Variants in WWOX observed in about 807,000 individuals in gnomAD.
The protein encoded by WWOX is WW domain-containing oxidoreductase.
Under a neutral mutation model 46.2 loss-of-function variants are expected in WWOX, and 69 were observed. The ratio of observed to expected loss-of-function variants is 1.49; its 90% confidence interval spans 1.23 to 1.82. The LOEUF (loss-of-function observed/expected upper bound fraction) is 1.82. Among genes scored for constraint, WWOX ranks in the 40% most tolerant of loss-of-function variants. The probability of loss-of-function intolerance (pLI) is 0.00; values close to 1 mark genes in which losing one functional copy is unlikely to be tolerated. For missense variants in WWOX, 919 were observed against 542.6 expected (o/e 1.69, Z -6.89); for synonymous variants, 359 against 202.6 (o/e 1.77, Z -6.56).
rs147844598 is a variant in WWOX at position 79,091,041 on chromosome 16, G to T, written c.1057-120567G>T. Among the ~76,000 whole-genome samples, 23 of 152,116 alleles carry T rather than the reference G, an allele frequency of 1.5e-4. 1 individual carries two copies. Among genetic ancestry groups the T allele is most frequent in the African/African-American group, 5.5e-4 (23 of 41,496 alleles). On this transcript the variant is annotated intron_variant, in intron 8 of 8. Coordinates refer to ENST00000566780, the MANE Select transcript of WWOX (RefSeq NM_016373.4). ...GACCTCAGGTGATCCACCCACATCGGCCTCCCAAAGTACTGGGATTATAGG... is the reference window on the plus strand; with the variant it reads ...GACCTCAGGTGATCCACCCACATCGTCCTCCCAAAGTACTGGGATTATAGG...
At chr16:78,256,877 CTGAG>C (rs1334742363) in intron 5 of WWOX, among the ~76,000 whole-genome samples, 1 of 152,046 alleles carries the variant, frequency 6.6e-6, no homozygotes, top group Non-Finnish European at 1.5e-5. Context: ...TGTTGACCAA[CTGAG>C]TTGTTCAGTG....
At chr16:78,186,356 T>G (rs2035703963) in intron 5 of WWOX, among the ~76,000 whole-genome samples, 1 of 152,320 alleles carries the variant, frequency 6.6e-6, no homozygotes, top group East Asian at 1.9e-4. Flanking sequence ...AAGTACAATT[T>G]GGTATTTTTG....
chr16:79,174,948 C>G (rs2050771090), intron 8 of WWOX, among the ~76,000 whole-genome samples: 1 of 152,140 alleles, frequency 6.6e-6, no homozygotes, highest in African/African-American at 2.4e-5. Context: ...ACCCTGAGGA[C>G]TTGGTATTCT....
chr16:78,809,979 C>G (rs942566039), intron 8 of WWOX, among the ~76,000 whole-genome samples: 1 of 152,164 alleles, frequency 6.6e-6, no homozygotes, highest in Admixed American at 6.5e-5. Context: ...TCTGGCAAAT[C>G]TCAGCACCAA....
intron 6 of WWOX, among the ~76,000 whole-genome samples, chr16:78,387,565 G>T (rs1014643260): frequency 2.6e-5 from 4 of 152,092 alleles, no homozygotes; most frequent in African/African-American, 9.7e-5. Flanking sequence ...GAAGGTTGTA[G>T]GAGAAAGGGA....
At chr16:78,593,036 C>G (rs1231103629) in intron 8 of WWOX, among the ~76,000 whole-genome samples, 1 of 152,142 alleles carries the variant, frequency 6.6e-6, no homozygotes, top group Non-Finnish European at 1.5e-5. Context: ...GCCTTCAGTC[C>G]TAGCACCAAT....
intron 8 of WWOX, among the ~76,000 whole-genome samples, chr16:78,810,435 A>G (rs1191207990): frequency 6.6e-6 from 1 of 152,218 alleles, no homozygotes; most frequent in Non-Finnish European, 1.5e-5. Flanking sequence ...ATAAGCTATC[A>G]AATATTACAT....
intron 8 of WWOX, among the ~76,000 whole-genome samples, chr16:79,036,661 G>A (rs545513152): frequency 6.6e-6 from 1 of 152,298 alleles, no homozygotes; most frequent in South Asian, 2.1e-4. Context: ...CTCTGTTTTT[G>A]GAAGGACTGT....
At chr16:78,491,064 AG>A (rs2084773823) in intron 8 of WWOX, among the ~76,000 whole-genome samples, 1 of 152,196 alleles carries the variant, frequency 6.6e-6, no homozygotes. Flanking sequence ...TGAGCTCACC[AG>A]GCTGAGTCAT....
intron 5 of WWOX, among the ~76,000 whole-genome samples, chr16:78,367,731 C>T (rs1483717287): frequency 1.3e-5 from 2 of 151,906 alleles, no homozygotes; most frequent in African/African-American, 4.8e-5. Context: ...CGGAGAACTA[C>T]CATCCCATTT....
chr16:78,895,386 G>A (rs1328051380), intron 8 of WWOX: 3 of 152,162 alleles, frequency 2.0e-5, no homozygotes, highest in East Asian at 3.9e-4. Flanking sequence ...CACTGAAGAG[G>A]ATTTGAGTGT....
intron 8 of WWOX, among the ~76,000 whole-genome samples, chr16:78,466,546 C>G (rs939158100): frequency 6.6e-6 from 1 of 152,000 alleles, no homozygotes. Context: ...TTTAAATATT[C>G]CAGCTGCGTG....
chr16:79,009,130 T>A (rs2047249978), intron 8 of WWOX, among the ~76,000 whole-genome samples: 1 of 152,200 alleles, frequency 6.6e-6, no homozygotes, highest in Non-Finnish European at 1.5e-5. Flanking sequence ...CCAGGCTTAA[T>A]GGATGATCAT....
In WWOX at chr16:78,729,751, A is replaced by G. The variant is rs140260310; in HGVS notation, c.1056+296999A>G. 3.0e-3 allele frequency among the ~76,000 whole-genome samples: 450 copies of G among 152,296 alleles called. 2 individuals carry two copies. Among genetic ancestry groups the G allele is most frequent in the African/African-American group, 0.01 (432 of 41,580 alleles). On this transcript the variant is annotated intron_variant, in intron 8 of 8. Coordinates refer to ENST00000566780, the MANE Select transcript of WWOX (RefSeq NM_016373.4). Reference sequence around the variant, plus strand: ...ACAGCAGACATAGCAAACTAATGCAAATGGGCTTTGCTTGAAGTCCCTCAG... The same window carrying G: ...ACAGCAGACATAGCAAACTAATGCAGATGGGCTTTGCTTGAAGTCCCTCAG...
intron 8 of WWOX, among the ~76,000 whole-genome samples, chr16:78,481,764 T>TGTGTGTGTGTGTGC (rs149940474): frequency 3.5e-4 from 52 of 148,024 alleles, no homozygotes; most frequent in African/African-American, 5.0e-4. Context: ...TGTGTGTGTG[T>TGTGTGTGTGTGTGC]GCGCGCGCCT....
chr16:79,212,560 C>G lies in WWOX; in HGVS notation c.*764C>G, dbSNP rs184137904. 6.0e-6 allele frequency: 1 copy of G among 166,490 alleles called. No homozygotes were observed. Among genetic ancestry groups the G allele is most frequent in the Non-Finnish European group, 1.3e-5 (1 of 75,456 alleles). The allele number at this position is 166,490 out of a possible 1,614,324, so 10.3% of individuals were successfully genotyped here. A position where few individuals can be genotyped will look rare whatever the true frequency, so the allele number is the denominator to read the frequency against. Reference sequence around the variant, plus strand: ...GGCAGAGAATAAAACGTTAGTTAATCCCTTTGTCTGTCAATCACAGTCTCA... The same window carrying G: ...GGCAGAGAATAAAACGTTAGTTAATGCCTTTGTCTGTCAATCACAGTCTCA... On this transcript the variant is annotated 3_prime_UTR_variant, in exon 9 of 9. Coordinates refer to ENST00000566780, the MANE Select transcript of WWOX (RefSeq NM_016373.4).
At chr16:78,958,536 A>T (rs561579973) in intron 8 of WWOX, among the ~76,000 whole-genome samples, 1 of 152,318 alleles carries the variant, frequency 6.6e-6, no homozygotes, top group Non-Finnish European at 1.5e-5. Flanking sequence ...CCAATTTGGG[A>T]AGTTATGGTG....
At chr16:78,951,730 C>G (rs986095772) in intron 8 of WWOX, among the ~76,000 whole-genome samples, 1 of 152,200 alleles carries the variant, frequency 6.6e-6, no homozygotes, top group South Asian at 2.1e-4. Context: ...GTTAAGAGGC[C>G]TGGGCCCATG....
intron 5 of WWOX, among the ~76,000 whole-genome samples, chr16:78,327,596 C>G (rs967485792): frequency 6.6e-6 from 1 of 152,196 alleles, no homozygotes; most frequent in Non-Finnish European, 1.5e-5. Flanking sequence ...CCAACTCCCA[C>G]TGGAAAACCT....
Sources: gnomAD v4.1 joint callset for allele counts (sites outside exome capture counted in the v4.1 genomes callset) on GRCh38, gnomAD v4.1.1 for gene constraint, MANE v1.5 for transcripts, NCBI Gene and HGNC (gene_info 2026-07-23, HGNC 2026-07-21) for gene names.